Variants in CENPK observed in about 807,000 individuals in gnomAD.
CENPK encodes SoxLZ/Sox6-binding protein Solt.
CENPK carries 46 observed loss-of-function variants against 40.9 expected under a neutral mutation model. The observed-to-expected ratio is 1.13, with a 90% CI of 0.89 to 1.44. The LOEUF (loss-of-function observed/expected upper bound fraction) is 1.44, where lower values mean the gene tolerates loss of function less well. Among genes scored for constraint, CENPK ranks in the 40% most tolerant of loss-of-function variants. The pLI is 0.00. For missense variants in CENPK, 288 were observed against 303.5 expected, an observed-to-expected ratio of 0.95 and a Z score of 0.38; for synonymous variants, 107 against 104.4, an observed-to-expected ratio of 1.02 and a Z score of -0.15.
chr5:65,518,772 T>C, intron 10 of CENPK, 139 bp from the exon 11 acceptor site: 1 of 576,994 alleles, frequency 1.7e-6, no homozygotes, highest in Non-Finnish European at 2.9e-6. Flanking sequence ...AATTTGAATT[T>C]CCTTTTTGAA....
At chr5:65,559,175 T>A (rs1751487280) in intron 2 of CENPK, among the ~76,000 whole-genome samples, 1 of 152,228 alleles carries the variant, frequency 6.6e-6, no homozygotes, top group Admixed American at 6.5e-5. Context: ...AGAGAAGTTC[T>A]AAGGCAGACC....
intron 3 of CENPK, among the ~76,000 whole-genome samples, chr5:65,553,322 C>G (rs1235176810): frequency 6.6e-6 from 1 of 151,558 alleles, no homozygotes; most frequent in Non-Finnish European, 1.5e-5. Context: ...TTATCTTGGG[C>G]CACACATAAA....
chr5:65,557,262 T>C (rs148819128), intron 2 of CENPK, among the ~76,000 whole-genome samples: 71 of 152,282 alleles, frequency 4.7e-4, no homozygotes, highest in African/African-American at 1.7e-3. Context: ...TATTTAGTAA[T>C]ATAGAGGAGC....
Position 65,518,268 on chromosome 5 carries a change from T to C in CENPK, c.*207A>G, listed in dbSNP as rs377015673. ...TATTATCTACCTGCATTCTTATCCA[T>C]ATAGTTTAAAACACTAAAGCACTCA... On this transcript the variant is annotated 3_prime_UTR_variant, in exon 11 of 11. Transcript: ENST00000396679. 3.9e-6 allele frequency: 2 copies of C among 509,558 alleles called. No individual in the cohort carries two copies. The highest frequency in any genetic ancestry group is 3.4e-6 in the Non-Finnish European group (1 of 293,018). The allele number at this position is 509,558 out of a possible 1,614,324, so 31.6% of individuals were successfully genotyped here. A position where few individuals can be genotyped will look rare whatever the true frequency, so the allele number is the denominator to read the frequency against.
At chr5:65,542,479 A>C (rs746454540) in intron 6 of CENPK, among the ~76,000 whole-genome samples, 1 of 152,132 alleles carries the variant, frequency 6.6e-6, no homozygotes, top group African/African-American at 2.4e-5. Context: ...TCTACTAAAA[A>C]TACAAAAATT....
chr5:65,508,449 A>T, the CENPK span, among the ~76,000 whole-genome samples: 1 of 152,198 alleles, frequency 6.6e-6, no homozygotes, highest in Non-Finnish European at 1.5e-5. Context: ...CATATCCGAT[A>T]AAAAATTTAA....
At chr5:65,549,322 G>A (rs1749565767) in intron 5 of CENPK, among the ~76,000 whole-genome samples, 1 of 152,152 alleles carries the variant, frequency 6.6e-6, no homozygotes, top group African/African-American at 2.4e-5. Context: ...CAATGCACAG[G>A]CAGAGTAGAT....
chr5:65,526,963 C>T (rs898221228), intron 9 of CENPK, among the ~76,000 whole-genome samples: 2 of 151,980 alleles, frequency 1.3e-5, no homozygotes, highest in African/African-American at 2.4e-5. Context: ...TGCGGTGGCA[C>T]GCGTTTGTAG....
intron 5 of CENPK, chr5:65,551,334 TA>T: frequency 2.4e-6 from 1 of 408,886 alleles, no homozygotes; most frequent in South Asian, 3.3e-5. Context: ...ATAATAGCTA[TA>T]ATAACGTCTC....
At chr5:65,553,187 T>C (rs1750391434) in intron 3 of CENPK, among the ~76,000 whole-genome samples, 1 of 152,070 alleles carries the variant, frequency 6.6e-6, no homozygotes, top group Non-Finnish European at 1.5e-5. Context: ...TTAAAAATAA[T>C]TGTAAGAAAA....
At chr5:65,561,955 A>G (rs1273597392) in intron 1 of CENPK, among the ~76,000 whole-genome samples, 1 of 152,192 alleles carries the variant, frequency 6.6e-6, no homozygotes, top group African/African-American at 2.4e-5. Flanking sequence ...TAGAGCTTCC[A>G]TTCTCATGCA....
intron 3 of CENPK, among the ~76,000 whole-genome samples, chr5:65,554,402 G>A (rs187786424): frequency 4.6e-5 from 7 of 152,136 alleles, no homozygotes; most frequent in African/African-American, 7.2e-5. Flanking sequence ...CCCCAGCCTC[G>A]GCCTCCCAAA....
At chr5:65,529,454 G>T in intron 6 of CENPK, 1 of 339,490 alleles carries the variant, frequency 2.9e-6, no homozygotes, top group Non-Finnish European at 5.3e-6. Context: ...AAATAATGGT[G>T]TGTTTTCAGT....
the CENPK span, among the ~76,000 whole-genome samples, chr5:65,510,540 C>T: frequency 6.6e-6 from 1 of 151,920 alleles, no homozygotes; most frequent in Admixed American, 6.6e-5. Flanking sequence ...TTTGGGAGGC[C>T]GAGAAGGGCA....
intron 6 of CENPK, among the ~76,000 whole-genome samples, chr5:65,534,664 C>G (rs72762429): frequency 0.023 from 3,566 of 152,280 alleles, 77 homozygotes; most frequent in Admixed American, 0.056. Flanking sequence ...ACCGCTGGAA[C>G]AGTCAGTATC....
intron 3 of CENPK, among the ~76,000 whole-genome samples, chr5:65,553,146 C>T (rs1750386088): frequency 1.3e-5 from 2 of 151,932 alleles, no homozygotes; most frequent in Admixed American, 1.3e-4. Context: ...CCTGAAAATA[C>T]ATTAATAATA....
At chr5:65,558,004 T>C (rs910645213) in intron 2 of CENPK, among the ~76,000 whole-genome samples, 1 of 152,134 alleles carries the variant, frequency 6.6e-6, no homozygotes, top group Non-Finnish European at 1.5e-5. Flanking sequence ...ATTCAGGAGC[T>C]GAGGTGAGAG....
chr5:65,531,561 T>C (rs1580949631), intron 6 of CENPK, among the ~76,000 whole-genome samples: 2 of 151,800 alleles, frequency 1.3e-5, no homozygotes, highest in African/African-American at 4.8e-5. Flanking sequence ...TGGAGTGCAG[T>C]GGCACTATCT....
chr5:65,502,192 T>C, the CENPK span, among the ~76,000 whole-genome samples: 1 of 152,204 alleles, frequency 6.6e-6, no homozygotes, highest in Non-Finnish European at 1.5e-5. Context: ...TGAAAAGTTT[T>C]CTGTCTTACT....
Sources: allele counts gnomAD v4.1 joint callset (sites outside exome capture counted in the v4.1 genomes callset), GRCh38; gene constraint gnomAD v4.1.1; transcripts MANE v1.5; gene names NCBI Gene and HGNC (gene_info 2026-07-23, HGNC 2026-07-21).